IFRD1: variants seen among roughly 807,000 people sequenced by gnomAD.
IFRD1 encodes the protein interferon related developmental regulator 1.
A neutral mutation model predicts 52.9 loss-of-function variants in IFRD1; 35 were observed. The ratio of observed to expected loss-of-function variants is 0.66; its 90% CI spans 0.51 to 0.88. The LOEUF (loss-of-function observed/expected upper bound fraction) is 0.88. Among genes scored for constraint, IFRD1 ranks in the 40% least tolerant of loss-of-function variants. The pLI, the probability that IFRD1 is intolerant of heterozygous loss-of-function variation, is 0.00. For missense variants in IFRD1, 517 were observed against 550.8 expected (o/e 0.94, Z 0.61); for synonymous variants, 184 against 188.4 (o/e 0.98, Z 0.19).
At chr7:112,450,934 C>A in intron 1 of IFRD1, 152 bp downstream of exon 1, 1 of 683,902 alleles carries the variant, frequency 1.5e-6, no homozygotes, top group Non-Finnish European at 2.6e-6. Flanking sequence ...CAATTCCCAG[C>A]GTGCCCTGGG....
chr7:112,468,787 C>T (rs973583023), intron 9 of IFRD1, among the ~76,000 whole-genome samples: 4 of 152,196 alleles, frequency 2.6e-5, no homozygotes, highest in East Asian at 3.9e-4. Context: ...CGTGAGCCAC[C>T]GTGCCAGAGA....
At chr7:112,463,892 ACACC>A (rs1445752989) in intron 8 of IFRD1, among the ~76,000 whole-genome samples, 15 of 17,928 alleles carry the variant, frequency 8.4e-4, no homozygotes, top group Non-Finnish European at 1.3e-3. Flanking sequence ...ACACACACAC[ACACC>A]CCACGTATCT....
At chr7:112,452,842 CT>C (rs1229406376) in intron 1 of IFRD1, among the ~76,000 whole-genome samples, 2 of 152,160 alleles carry the variant, frequency 1.3e-5, no homozygotes, top group African/African-American at 4.8e-5. Flanking sequence ...GAAAATAATT[CT>C]TTGATTAATT....
intron 5 of IFRD1, among the ~76,000 whole-genome samples, chr7:112,459,902 A>T (rs1417487780): frequency 1.3e-5 from 2 of 152,230 alleles, no homozygotes; most frequent in African/African-American, 4.8e-5. Flanking sequence ...AAGAAATTGG[A>T]GTTTGGCAAC....
intron 1 of IFRD1, among the ~76,000 whole-genome samples, chr7:112,430,479 G>C (rs952348146): frequency 6.6e-6 from 1 of 152,192 alleles, no homozygotes; most frequent in Non-Finnish European, 1.5e-5. Flanking sequence ...GTGTGGAACA[G>C]GTAAGCATTC....
At chr7:112,443,050 C>T (rs1794932070) in intron 1 of IFRD1, among the ~76,000 whole-genome samples, 2 of 152,122 alleles carry the variant, frequency 1.3e-5, no homozygotes, top group African/African-American at 4.8e-5. Flanking sequence ...TCATTAATCA[C>T]ATTGAAACCA....
chr7:112,450,045 T>C (rs35126987), upstream of IFRD1: 57,813 of 153,184 alleles, frequency 0.38, 11,689 homozygotes, highest in Non-Finnish European at 0.46. Flanking sequence ...GCAAAGGTGA[T>C]TGCATAGCTG....
intron 8 of IFRD1, chr7:112,467,587 A>T: frequency 4.6e-6 from 1 of 217,504 alleles, no homozygotes; most frequent in Non-Finnish European, 9.4e-6. Flanking sequence ...TGCCTTTGGG[A>T]TAAGAATAAT....
chr7:112,447,459 A>G (rs1795055449), upstream of IFRD1, among the ~76,000 whole-genome samples: 2 of 152,180 alleles, frequency 1.3e-5, no homozygotes, highest in South Asian at 4.1e-4. Flanking sequence ...TTCATTCTTA[A>G]CAACAGAACC....
In IFRD1 at chr7:112,450,621, TA is replaced by T; in HGVS notation, c.-63del. On this transcript the variant is annotated 5_prime_UTR_variant, in exon 1 of 12. It removes the in-frame stop codon of an upstream open reading frame in the 5' UTR. Coordinates refer to ENST00000403825, the MANE Select transcript of IFRD1 (RefSeq NM_001550.4). ...GCCGCCCGCCGCACAGACGCACGAGTAAAAAGTGCAGCTCCATCGGCTGATC... is the reference window on the plus strand; with the variant it reads ...GCCGCCCGCCGCACAGACGCACGAGTAAAAGTGCAGCTCCATCGGCTGATC... 1 of 1,282,790 alleles carries T rather than the reference TA, an allele frequency of 7.8e-7. No individual in the cohort carries two copies. Among genetic ancestry groups the T allele is most frequent in the Non-Finnish European group, 1.1e-6 (1 of 881,688 alleles). 79.5% of individuals were successfully genotyped at this position (1,282,790 alleles called of 1,614,324 possible). A position where few individuals can be genotyped will look rare whatever the true frequency, so the allele number is the denominator to read the frequency against.
upstream of IFRD1, chr7:112,450,353 C>T (rs972613063): frequency 1.3e-5 from 4 of 310,730 alleles, no homozygotes; most frequent in Admixed American, 4.9e-5. Context: ...CGGAGGCGTC[C>T]AGTGGGGAGG....
intron 1 of IFRD1, among the ~76,000 whole-genome samples, chr7:112,441,344 G>A (rs187270665): frequency 1.7e-3 from 262 of 152,016 alleles, no homozygotes; most frequent in African/African-American, 5.0e-3. Flanking sequence ...TAGTCCCAGC[G>A]GCTTTGGAGG....
At chr7:112,473,196 G>A (rs1384939636) in intron 11 of IFRD1, among the ~76,000 whole-genome samples, 1 of 151,956 alleles carries the variant, frequency 6.6e-6, no homozygotes, top group Non-Finnish European at 1.5e-5. Context: ...TTGACAACAC[G>A]TTAAAATTTA....
In IFRD1 at chr7:112,457,161, G is replaced by T. The variant is rs535715681; in HGVS notation, c.409+123G>T. On this transcript the variant is annotated intron_variant, in intron 4 of 11. Coordinates refer to ENST00000403825, the MANE Select transcript of IFRD1 (RefSeq NM_001550.4). ...ACTCTTAAAATTTTCTAATAGTCAA[G>T]GAGTGCACCATCTTGTTATGGCTCA... is the stretch of plus-strand genomic sequence containing the variant. 260 of 990,140 alleles carry T rather than the reference G, an allele frequency of 2.6e-4. 4 individuals carry two copies. The South Asian group carries it at 3.3e-3, about 13-fold the overall frequency. 61.3% of individuals were successfully genotyped at this position (990,140 alleles called of 1,614,324 possible). A position where few individuals can be genotyped will look rare whatever the true frequency, so the allele number is the denominator to read the frequency against.
At position 112,450,548 on chromosome 7, in the gene IFRD1, A is replaced by G. The variant is rs1002929425; in HGVS notation, c.-141A>G. 7.2e-6 allele frequency: 5 copies of G among 695,984 alleles called. No individual in the cohort carries two copies. The highest frequency in any genetic ancestry group is 1.8e-5 in the African/African-American group (1 of 56,526). The allele number at this position is 695,984 out of a possible 1,614,324, so 43.1% of individuals were successfully genotyped here. On this transcript the variant is annotated 5_prime_UTR_variant, in exon 1 of 12. Transcript: ENST00000403825. ...TCTGCTGCCGCCACCGCCCACTCTT[A>G]CCCCCGCCGCTTCTCGACTCTGTTG...
intron 1 of IFRD1, among the ~76,000 whole-genome samples, chr7:112,426,800 A>G (rs1016228531): frequency 6.6e-6 from 1 of 152,148 alleles, no homozygotes; most frequent in African/African-American, 2.4e-5. Flanking sequence ...ATAAAACCTT[A>G]GTCTCCACAA....
intron 8 of IFRD1, among the ~76,000 whole-genome samples, chr7:112,465,400 A>G (rs1795583237): frequency 6.6e-6 from 1 of 152,156 alleles, no homozygotes; most frequent in Non-Finnish European, 1.5e-5. Flanking sequence ...CTTTGGTTTC[A>G]TTTCATCCTA....
At chr7:112,458,318 CA>C (rs58694028) in intron 4 of IFRD1, 53,181 of 119,672 alleles carry the variant, frequency 0.44, 9,450 homozygotes, top group Middle Eastern at 0.66. Flanking sequence ...GACCCTGTCT[CA>C]AAAAAAAAAA....
At chr7:112,473,037 T>G (rs1222068967) in intron 11 of IFRD1, among the ~76,000 whole-genome samples, 176 bp downstream of exon 11, 1 of 73,910 alleles carries the variant, frequency 1.4e-5, no homozygotes, top group Non-Finnish European at 3.5e-5. Context: ...GGCGTGTGTG[T>G]GTGTGTGTGT....
Sources: gnomAD v4.1 joint callset for allele counts (sites outside exome capture counted in the v4.1 genomes callset) on GRCh38, gnomAD v4.1.1 for gene constraint, MANE v1.5 for transcripts, NCBI Gene and HGNC (gene_info 2026-07-23, HGNC 2026-07-21) for gene names.